FAM171B: variants seen among roughly 807,000 people sequenced by gnomAD.
FAM171B encodes the protein family with sequence similarity 171 member B.
In FAM171B, 19 loss-of-function variants were observed where a neutral mutation model predicts 75.6. The ratio of observed to expected loss-of-function variants is 0.25; its 90% CI spans 0.18 to 0.37. The LOEUF (loss-of-function observed/expected upper bound fraction) is 0.37. FAM171B is among the 10% of genes least tolerant of loss of function. FAM171B has a pLI of 1.00. For synonymous variants in FAM171B, 367 were observed against 361.7 expected (o/e 1.01, Z -0.17); for missense variants, 848 against 982.4 (o/e 0.86, Z 1.83).
intron 1 of FAM171B, among the ~76,000 whole-genome samples, chr2:186,702,320 T>C (rs1029433869): frequency 6.6e-6 from 1 of 152,180 alleles, no homozygotes; most frequent in Admixed American, 6.5e-5. Context: ...TATCTAAACA[T>C]AGAAAAGGCA....
intron 2 of FAM171B, among the ~76,000 whole-genome samples, chr2:186,740,853 G>A (rs866918386): frequency 2.6e-5 from 4 of 152,314 alleles, no homozygotes; most frequent in South Asian, 4.1e-4. Flanking sequence ...CTGCTTGCAA[G>A]CAAGGGTCTT....
chr2:186,698,626 G>T (rs1689614133), intron 1 of FAM171B, among the ~76,000 whole-genome samples: 2 of 152,102 alleles, frequency 1.3e-5, no homozygotes, highest in Non-Finnish European at 2.9e-5. Flanking sequence ...TTTATCATTT[G>T]TGTTACAAAC....
At chr2:186,712,221 T>C (rs540564099) in intron 1 of FAM171B, among the ~76,000 whole-genome samples, 2 of 152,126 alleles carry the variant, frequency 1.3e-5, no homozygotes, top group East Asian at 1.9e-4. Context: ...TATTATCTTC[T>C]TTTTTTTGCT....
In FAM171B at chr2:186,754,973, C is replaced by T. The variant is rs114414775; in HGVS notation, c.1012+924C>T. 5.1e-3 allele frequency among the ~76,000 whole-genome samples: 772 copies of T among 152,140 alleles called. 6 individuals carry two copies. The highest frequency in any genetic ancestry group is 7.1e-3 in the Non-Finnish European group (481 of 67,998). On this transcript the variant is annotated intron_variant, in intron 6 of 7. Transcript: ENST00000304698. ...GAAGATGGAGGCTGGGGAGCAAAAC[C>T]ATGAATTGTCCACTAGGGAAGATCT...
chr2:186,703,265 A>G (rs1689689202), intron 1 of FAM171B, among the ~76,000 whole-genome samples: 1 of 152,000 alleles, frequency 6.6e-6, no homozygotes. Flanking sequence ...TTTTTAATTC[A>G]CTTGTTAGCT....
At chr2:186,744,949 G>A (rs1054673502) in intron 3 of FAM171B, among the ~76,000 whole-genome samples, 5 of 150,888 alleles carry the variant, frequency 3.3e-5, no homozygotes, top group Non-Finnish European at 7.4e-5. Flanking sequence ...TTCCACCTCA[G>A]CCTCCCAAGT....
chr2:186,756,700 C>A (rs7584329), intron 6 of FAM171B, among the ~76,000 whole-genome samples: 25,122 of 152,052 alleles, frequency 0.17, 2,215 homozygotes, highest in Middle Eastern at 0.25. Flanking sequence ...CTACAGTTTG[C>A]GTCAGACCCC....
intron 1 of FAM171B, among the ~76,000 whole-genome samples, chr2:186,712,081 C>T (rs916791707): frequency 2.0e-5 from 3 of 152,048 alleles, no homozygotes; most frequent in Non-Finnish European, 4.4e-5. Flanking sequence ...TCTATAAAAG[C>T]ATGTTGGTTC....
chr2:186,714,287 G>T (rs1689847121), intron 1 of FAM171B, among the ~76,000 whole-genome samples: 2 of 152,052 alleles, frequency 1.3e-5, no homozygotes, highest in Admixed American at 6.5e-5. Flanking sequence ...GAAATTTGAG[G>T]CTGGTTGAGT....
At position 186,694,359 on chromosome 2, in the gene FAM171B, TGAG is replaced by T. The variant is rs772737267; in HGVS notation, c.193_195del (p.Glu65del). 1.2e-6 allele frequency: 2 copies of T among 1,613,078 alleles called. No homozygotes were observed. The highest frequency in any genetic ancestry group is 1.7e-6 in the Non-Finnish European group (2 of 1,179,612). On this transcript the variant is annotated inframe_deletion, in exon 1 of 8. Transcript: ENST00000304698. ...AACAGCAAAAGCAGCTGGAGGAGGCTGAGGAGGAGAGGACAGAGGTGCCTGGGG... is the reference window on the plus strand; with the variant it reads ...AACAGCAAAAGCAGCTGGAGGAGGCTGAGGAGAGGACAGAGGTGCCTGGGG...
Position 186,694,154 on chromosome 2 carries a change from C to G in FAM171B, c.-20C>G, listed in dbSNP as rs1689537123. On this transcript the variant is annotated 5_prime_UTR_variant, in exon 1 of 8. Transcript: ENST00000304698. The stretch of plus-strand genomic sequence containing the variant: ...CCCGGAGCCCCGCAATATGCCGCCG[C>G]GGCCCTCTGGCTCTAGGCCATGGCG... 2 of 1,541,752 alleles carry G rather than the reference C, an allele frequency of 1.3e-6. No homozygotes were observed. Among genetic ancestry groups the G allele is most frequent in the Non-Finnish European group, 1.7e-6 (2 of 1,150,238 alleles).
intron 6 of FAM171B, among the ~76,000 whole-genome samples, chr2:186,756,945 G>A (rs1369533820): frequency 2.6e-5 from 4 of 152,128 alleles, no homozygotes; most frequent in African/African-American, 9.7e-5. Context: ...GAGGTACATA[G>A]GGCAAGGTCT....
intron 1 of FAM171B, among the ~76,000 whole-genome samples, chr2:186,707,703 T>G (rs1276323123): frequency 2.0e-5 from 3 of 152,114 alleles, no homozygotes; most frequent in Non-Finnish European, 1.5e-5. Context: ...GTTTTGTGCC[T>G]CAGTGCCTTA....
At chr2:186,699,127 CT>C (rs1224844761) in intron 1 of FAM171B, among the ~76,000 whole-genome samples, 1 of 152,140 alleles carries the variant, frequency 6.6e-6, no homozygotes, top group African/African-American at 2.4e-5. Flanking sequence ...GATTTACTTT[CT>C]TTTGGGTATA....
intron 3 of FAM171B, among the ~76,000 whole-genome samples, chr2:186,743,968 T>C (rs1447658607): frequency 2.6e-5 from 4 of 152,272 alleles, no homozygotes; most frequent in East Asian, 3.9e-4. Context: ...ATTTGTCGCT[T>C]TTTGGGAGAT....
At chr2:186,701,600 G>T (rs1689661709) in intron 1 of FAM171B, among the ~76,000 whole-genome samples, 1 of 152,178 alleles carries the variant, frequency 6.6e-6, no homozygotes, top group African/African-American at 2.4e-5. Context: ...AATAGGAAAA[G>T]TGGGATTTGA....
intron 2 of FAM171B, among the ~76,000 whole-genome samples, chr2:186,743,077 A>G (rs961560354): frequency 1.8e-4 from 28 of 152,346 alleles, no homozygotes; most frequent in African/African-American, 6.5e-4. Flanking sequence ...TATAGTTTAT[A>G]TCTAGAGAAG....
At chr2:186,713,998 GTTC>G (rs1353819180) in intron 1 of FAM171B, among the ~76,000 whole-genome samples, 2 of 152,138 alleles carry the variant, frequency 1.3e-5, no homozygotes, top group Non-Finnish European at 2.9e-5. Context: ...AAAAGATAAT[GTTC>G]TTCTTTATGC....
chr2:186,763,797 A>G lies in FAM171B; in HGVS notation c.*974A>G, dbSNP rs1690659925. 6.6e-6 allele frequency: 1 copy of G among 152,060 alleles called. No homozygotes were observed. Among genetic ancestry groups the G allele is most frequent in the African/African-American group, 2.4e-5 (1 of 41,430 alleles). The allele number at this position is 152,060 out of a possible 1,614,324, so 9.4% of individuals were successfully genotyped here. A position where few individuals can be genotyped will look rare whatever the true frequency, so the allele number is the denominator to read the frequency against. On this transcript the variant is annotated 3_prime_UTR_variant, in exon 8 of 8. Coordinates refer to ENST00000304698, the MANE Select transcript of FAM171B (RefSeq NM_177454.4). ...ATATGTGCAGATAAAATATACATTG[A>G]TTTGTTTTTCTTAAATGTTGATGAG...
Sources: gnomAD v4.1 joint callset for allele counts (sites outside exome capture counted in the v4.1 genomes callset) on GRCh38, gnomAD v4.1.1 for gene constraint, MANE v1.5 for transcripts, NCBI Gene and HGNC (gene_info 2026-07-23, HGNC 2026-07-21) for gene names.